The following LAMA2 variants were observed in gnomAD, a reference collection of about 807,000 sequenced individuals.
LAMA2 encodes laminin subunit alpha-2.
LAMA2 carries 269 observed loss-of-function variants against 364.8 expected under a neutral mutation model. That is an observed-to-expected ratio of 0.74 (90% CI 0.67 to 0.82). The LOEUF (loss-of-function observed/expected upper bound fraction) is 0.82. LAMA2 is among the 40% of genes least tolerant of loss of function. The pLI is 0.00. For synonymous variants in LAMA2, 1,379 were observed against 1,370.6 expected, an observed-to-expected ratio of 1.01 and a Z score of -0.14; for missense variants, 3,807 against 3,873.2, an observed-to-expected ratio of 0.98 and a Z score of 0.45.
intron 48 of LAMA2, among the ~76,000 whole-genome samples, chr6:129,457,325 A>G (rs2114796469): frequency 6.6e-6 from 1 of 152,300 alleles, no homozygotes; most frequent in Middle Eastern, 3.4e-3. Context: ...TTAGAACTTC[A>G]TATAAATGTA....
intron 14 of LAMA2, 121 bp downstream of exon 14, chr6:129,252,416 A>C (rs934632934): frequency 4.9e-5 from 35 of 715,278 alleles, no homozygotes; most frequent in Admixed American, 2.1e-5. Context: ...AGAGCAGATA[A>C]GAACGGAGCC....
chr6:129,293,052 C>T (rs558028074), intron 20 of LAMA2: 9 of 985,922 alleles, frequency 9.1e-6, no homozygotes, highest in Admixed American at 6.1e-5. Flanking sequence ...GGGAGCCTAT[C>T]GGGCCCCAGC....
At chr6:129,491,789 C>A (rs1431827383) in intron 56 of LAMA2, 112 bp from the exon 57 acceptor site, 4 of 863,378 alleles carry the variant, frequency 4.6e-6, no homozygotes, top group Non-Finnish European at 7.5e-6. Flanking sequence ...CCAATTTTGG[C>A]TCCCTTAAAA....
chr6:129,174,735 A>C (rs962854988), intron 9 of LAMA2, among the ~76,000 whole-genome samples: 1 of 152,122 alleles, frequency 6.6e-6, no homozygotes, highest in African/African-American at 2.4e-5. Context: ...AGCTTTCTAG[A>C]AGTCAATTTT....
In LAMA2 at chr6:129,403,864, G is replaced by A. The variant is rs1166290188; in HGVS notation, c.5770G>A (p.Ala1924Thr). ...AKNISFNATA[A>T]FKAYSNIKDY... Reference sequence around the variant, plus strand: ...AAACATCTCCTTCAATGCCACTGCAGCCTTCAAAGCTTACAGCAATATTAA... The same window carrying A: ...AAACATCTCCTTCAATGCCACTGCAACCTTCAAAGCTTACAGCAATATTAA... Residue 1924 changes from alanine (A) to threonine (T), a missense_variant, in exon 40 of 65, where the codon GCC becomes ACC. Ala to Thr is a moderately conservative substitution (Grantham distance 58). Coordinates refer to ENST00000421865, the MANE Select transcript of LAMA2 (RefSeq NM_000426.4). 1 of 1,613,630 alleles carries A rather than the reference G, an allele frequency of 6.2e-7. No homozygotes were observed. The highest frequency in any genetic ancestry group is 8.5e-7 in the Non-Finnish European group (1 of 1,179,774).
intron 2 of LAMA2, among the ~76,000 whole-genome samples, chr6:129,058,300 G>C (rs1339154627): frequency 1.3e-5 from 2 of 152,240 alleles, no homozygotes; most frequent in African/African-American, 2.4e-5. Flanking sequence ...AGTGGCTGCT[G>C]TTGTGAGACA....
intron 3 of LAMA2, among the ~76,000 whole-genome samples, chr6:129,089,077 C>G (rs887867455): frequency 5.9e-5 from 9 of 152,302 alleles, no homozygotes; most frequent in African/African-American, 2.2e-4. Context: ...CTCGGGAGGC[C>G]GAGGCTGGCA....
At chr6:129,052,202 CT>C (rs1464953437) in intron 2 of LAMA2, among the ~76,000 whole-genome samples, 2 of 145,886 alleles carry the variant, frequency 1.4e-5, no homozygotes, top group African/African-American at 2.5e-5. Context: ...GTGGCGCGAT[CT>C]CGGCTCACTG....
In LAMA2 at chr6:129,391,602, TGAG is replaced by T. The variant is rs778205342; in HGVS notation, c.5189_5191del (p.Arg1730del). 1 of 1,613,916 alleles carries T rather than the reference TGAG, an allele frequency of 6.2e-7. No homozygotes were observed. The highest frequency in any genetic ancestry group is 8.5e-7 in the Non-Finnish European group (1 of 1,179,840). On this transcript the variant is annotated inframe_deletion, in exon 36 of 65. Transcript: ENST00000421865. The stretch of plus-strand genomic sequence containing the variant: ...GAGATTGACCAGATGATTAAAGAAC[TGAG>T]GAGGAAAAATCTAGAGACACAAAAG...
chr6:129,079,052 T>C (rs1474974520), intron 3 of LAMA2, among the ~76,000 whole-genome samples: 1 of 152,186 alleles, frequency 6.6e-6, no homozygotes, highest in Non-Finnish European at 1.5e-5. Context: ...ATGGCACATT[T>C]TTTGTCCATT....
chr6:129,231,408 C>T (rs1036637193), intron 12 of LAMA2, among the ~76,000 whole-genome samples: 9 of 152,068 alleles, frequency 5.9e-5, no homozygotes, highest in African/African-American at 1.7e-4. Context: ...ATACCTGGCG[C>T]AGAGTTAATT....
At chr6:129,372,573 A>C (rs1778148329) in intron 34 of LAMA2, among the ~76,000 whole-genome samples, 1 of 152,212 alleles carries the variant, frequency 6.6e-6, no homozygotes, top group Admixed American at 6.5e-5. Flanking sequence ...GGTTGCTTCC[A>C]AATTTTGGCA....
chr6:129,110,759 T>A (rs1210720066), intron 4 of LAMA2, among the ~76,000 whole-genome samples: 1 of 152,046 alleles, frequency 6.6e-6, no homozygotes, highest in East Asian at 1.9e-4. Flanking sequence ...GCAAACCTTA[T>A]AATCATTCCA....
intron 12 of LAMA2, among the ~76,000 whole-genome samples, chr6:129,243,931 A>T (rs1382123193): frequency 1.3e-5 from 2 of 151,954 alleles, no homozygotes; most frequent in Non-Finnish European, 2.9e-5. Context: ...TAACAGGAAA[A>T]AAAGAGGGCA....
chr6:128,992,656 C>T (rs1422077701), intron 1 of LAMA2, among the ~76,000 whole-genome samples: 1 of 152,134 alleles, frequency 6.6e-6, no homozygotes, highest in East Asian at 1.9e-4. Flanking sequence ...ACAAAAAAGT[C>T]TGTATTCTAT....
chr6:129,252,027 CTT>C, intron 13 of LAMA2, 55 bp from the exon 14 acceptor site: 2 of 1,177,506 alleles, frequency 1.7e-6, no homozygotes, highest in Non-Finnish European at 2.5e-6. Flanking sequence ...ATGTTTGACA[CTT>C]TTGTACCCTC....
chr6:129,398,475 T>TTC (rs1672407937), intron 37 of LAMA2, among the ~76,000 whole-genome samples: 2 of 144,222 alleles, frequency 1.4e-5, no homozygotes, highest in African/African-American at 5.1e-5. Flanking sequence ...TTCTTTTCTT[T>TTC]TTTTTTTTTT....
chr6:128,975,141 C>T (rs547318353), intron 1 of LAMA2, among the ~76,000 whole-genome samples: 4 of 152,158 alleles, frequency 2.6e-5, no homozygotes, highest in South Asian at 2.1e-4. Flanking sequence ...CCTGAGCCAT[C>T]GCGCCTGGCC....
chr6:129,472,598 A>C (rs544443870), intron 51 of LAMA2, among the ~76,000 whole-genome samples: 1 of 152,098 alleles, frequency 6.6e-6, no homozygotes, highest in East Asian at 1.9e-4. Context: ...TGAGAGACCC[A>C]AAAGAAAAGC....
Sources: gnomAD v4.1 joint callset for allele counts (sites outside exome capture counted in the v4.1 genomes callset) on GRCh38, gnomAD v4.1.1 for gene constraint, MANE v1.5 for transcripts, NCBI Gene and HGNC (gene_info 2026-07-23, HGNC 2026-07-21) for gene names.